Variants in RGS14 observed in about 807,000 individuals in gnomAD.
RGS14 encodes the protein regulator of G-protein signaling 14.
RGS14 carries 33 observed loss-of-function variants against 63.8 expected under a neutral mutation model. The observed-to-expected ratio is 0.52, with a 90% CI of 0.39 to 0.69. The LOEUF (loss-of-function observed/expected upper bound fraction) is 0.69. RGS14 is among the 30% of genes least tolerant of loss of function. RGS14 has a pLI of 0.00. For missense variants in RGS14, 739 were observed against 742.9 expected, an observed-to-expected ratio of 0.99 and a Z score of 0.06; for synonymous variants, 296 against 320.9, an observed-to-expected ratio of 0.92 and a Z score of 0.83.
chr5:177,367,482 G>C lies in RGS14; in HGVS notation c.552G>C (p.Leu184=). 6.2e-7 allele frequency: 1 copy of C among 1,612,792 alleles called. No homozygotes were observed. The highest frequency in any genetic ancestry group is 8.5e-7 in the Non-Finnish European group (1 of 1,179,482). Residue 184 remains leucine (L), a synonymous_variant, in exon 6 of 15, where the codon CTG becomes CTC. Coordinates refer to ENST00000408923, the MANE Select transcript of RGS14 (RefSeq NM_006480.5). Reference sequence around the variant, plus strand: ...AGTCCCCGCTGTACCGCGAGTGCCTGCTAGCCGAAGCCGAGGGACGCCCTC... The same window carrying C: ...AGTCCCCGCTGTACCGCGAGTGCCTCCTAGCCGAAGCCGAGGGACGCCCTC... ...FVKSPLYREC[L]LAEAEGRPLR...
rs1395992723 is a variant in RGS14 at position 177,370,603 on chromosome 5, G to C, written c.1066G>C (p.Asp356His). ...LVGNEQALVLDQDCTVLADQE... is the reference protein window; with the variant it reads ...LVGNEQALVLHQDCTVLADQE... ...GCATCCACAGAAGGCCCTGGTCCTG[G>C]ATCAGGACTGCACCGTGCTGGCGGA... The change falls in exon 10 of 15, where the codon GAT (aspartate) becomes CAT (histidine). Residue 356 changes from aspartate to histidine, a missense_variant. Asp to His is a moderately conservative substitution (Grantham distance 81). Coordinates refer to ENST00000408923, the MANE Select transcript of RGS14 (RefSeq NM_006480.5). The C allele has an allele frequency of 1.9e-6, 3 of 1,614,064 alleles. No individual in the cohort carries two copies. The South Asian group carries it at 3.3e-5, about 18-fold the overall frequency.
At chr5:177,366,534 C>G in intron 3 of RGS14, 174 bp from the exon 4 acceptor site, 1 of 779,406 alleles carries the variant, frequency 1.3e-6, no homozygotes, top group East Asian at 2.7e-5. Flanking sequence ...TTGTCTCTGC[C>G]TCTCATTTTC....
chr5:177,371,069 CGGG>C lies in RGS14; in HGVS notation c.1254+39_1254+41del. On this transcript the variant is annotated intron_variant, in intron 11 of 14. Transcript: ENST00000408923. The surrounding 1 kb of genome is among the most constrained non-coding windows in gnomAD (Gnocchi z 6.1). ...GCCGCGGGGCGGGGCGGGGCGGGGC[CGGG>C]CCGGGGCCGGGGCCGGGGCCGGGGC... The C allele has an allele frequency of 1.7e-6, 1 of 591,018 alleles. No homozygotes were observed. Among genetic ancestry groups the C allele is most frequent in the Non-Finnish European group, 2.1e-6 (1 of 487,114 alleles). 36.6% of individuals were successfully genotyped at this position (591,018 alleles called of 1,614,324 possible).
At chr5:177,369,129 T>C in intron 9 of RGS14, 1 of 600,426 alleles carries the variant, frequency 1.7e-6, no homozygotes, top group Non-Finnish European at 3.0e-6. Flanking sequence ...CATCATCCTA[T>C]TGTGGTGACC....
intron 1 of RGS14, 58 bp from the exon 2 acceptor site, chr5:177,365,905 C>T: frequency 6.3e-7 from 1 of 1,577,934 alleles, no homozygotes; most frequent in African/African-American, 1.3e-5. Context: ...GGGCCCAGAA[C>T]TGTCCCCTGG....
rs999798380 is a variant in RGS14 at position 177,365,846 on chromosome 5, G to T, written c.46-117G>T. 2.9e-6 allele frequency: 3 copies of T among 1,026,904 alleles called. No individual in the cohort carries two copies. In the Admixed American group the frequency reaches 5.1e-5, roughly 17 times the overall value. 63.6% of individuals were successfully genotyped at this position (1,026,904 alleles called of 1,614,324 possible). On this transcript the variant is annotated intron_variant, in intron 1 of 14. Coordinates refer to ENST00000408923, the MANE Select transcript of RGS14 (RefSeq NM_006480.5). ...GAAAACCCTGACCAAGTAGAACCTG[G>T]CCGGGGATGCCCAGGTGGAGGAGAA...
In RGS14 at chr5:177,371,714, G is replaced by A; in HGVS notation, c.1498+125G>A. On this transcript the variant is annotated intron_variant, in intron 14 of 14. Coordinates refer to ENST00000408923, the MANE Select transcript of RGS14 (RefSeq NM_006480.5). This position sits in a 1 kb window ranked among gnomAD's most constrained non-coding sequence, Gnocchi z 6.1. The stretch of plus-strand genomic sequence containing the variant: ...GGTGCCACTGGGCGTGGAACAGGAA[G>A]GATGGGGGTTGGGGGGTCAAAGGGG... 1 of 1,209,874 alleles carries A rather than the reference G, an allele frequency of 8.3e-7. No individual in the cohort carries two copies. Among genetic ancestry groups the A allele is most frequent in the South Asian group, 1.4e-5 (1 of 72,358 alleles). 74.9% of individuals were successfully genotyped at this position (1,209,874 alleles called of 1,614,324 possible). A position where few individuals can be genotyped will look rare whatever the true frequency, so the allele number is the denominator to read the frequency against.
At chr5:177,370,438 C>T (rs957355065) in intron 9 of RGS14, 153 bp from the exon 10 acceptor site, 10 of 661,254 alleles carry the variant, frequency 1.5e-5, no homozygotes, top group Admixed American at 1.4e-4. Flanking sequence ...GGTACCTTAA[C>T]CCATTTGCTC....
In RGS14 at chr5:177,366,276, C is replaced by A; in HGVS notation, c.167C>A (p.Thr56Asn). ...AGTGGTCCCAGCAGCCCCTTCCCAA[C>A]CGAGGAGCAGCCTGTGGCCAGCTGG... ...LPSGPSSPFP[T>N]EEQPVASWAL... Residue 56 changes from threonine (T) to asparagine (N), a missense_variant, in exon 3 of 15, where the codon ACC becomes AAC. By Grantham distance (65) the Thr-to-Asn change is moderately conservative. Coordinates refer to ENST00000408923, the MANE Select transcript of RGS14 (RefSeq NM_006480.5). 1 of 1,570,142 alleles carries A rather than the reference C, an allele frequency of 6.4e-7. No homozygotes were observed. Among genetic ancestry groups the A allele is most frequent in the East Asian group, 2.4e-5 (1 of 42,348 alleles).
In RGS14 at chr5:177,372,219, T is replaced by A; in HGVS notation, c.*144T>A. On this transcript the variant is annotated 3_prime_UTR_variant, in exon 15 of 15. Transcript: ENST00000408923. ...GGCCCGCAGGAAGAGCCGGTAGGGG[T>A]GGAAAGGGGACTCAGATGAGACACA... 1 of 782,144 alleles carries A rather than the reference T, an allele frequency of 1.3e-6. No individual in the cohort carries two copies. The highest frequency in any genetic ancestry group is 2.1e-6 in the Non-Finnish European group (1 of 487,008). 48.5% of individuals were successfully genotyped at this position (782,144 alleles called of 1,614,324 possible).
chr5:177,365,042 G>T (rs368184864), intron 1 of RGS14, among the ~76,000 whole-genome samples: 1 of 152,260 alleles, frequency 6.6e-6, no homozygotes, highest in African/African-American at 2.4e-5. Flanking sequence ...CCCTCCCACG[G>T]TGGTAATGGG....
rs1246241138 is a variant in RGS14, at chr5:177,371,014, G to A, written c.1237G>A (p.Glu413Lys). ...ILEKHGLSPL[E>K]VVLHRPGEKQ... ...GGAGAAGCACGGCTTGAGCCCGCTA[G>A]AGGTGGTGCTGCACCGGGTGAGCTT... Residue 413 changes from glutamate (E) to lysine (K), a missense_variant, in exon 11 of 15, where the codon GAG becomes AAG. Transcript: ENST00000408923. This position sits in a 1 kb window ranked among gnomAD's most constrained non-coding sequence, Gnocchi z 6.1. 1 of 1,593,448 alleles carries A rather than the reference G, an allele frequency of 6.3e-7. No individual in the cohort carries two copies. Among genetic ancestry groups the A allele is most frequent in the East Asian group, 2.3e-5 (1 of 44,434 alleles).
chr5:177,363,827 C>A (rs1762030341), intron 1 of RGS14, among the ~76,000 whole-genome samples: 1 of 152,072 alleles, frequency 6.6e-6, no homozygotes. Flanking sequence ...CCACTGCCTC[C>A]ACAAGTAACA....
chr5:177,372,048 G>C lies in RGS14; in HGVS notation c.1674G>C (p.Leu558Phe), dbSNP rs752794573. 6.2e-7 allele frequency: 1 copy of C among 1,614,046 alleles called. No homozygotes were observed. Among genetic ancestry groups the C allele is most frequent in the South Asian group, 1.1e-5 (1 of 91,078 alleles). Residue 558 changes from leucine (L) to phenylalanine (F), a missense_variant, in exon 15 of 15, where the codon TTG becomes TTC. Transcript: ENST00000408923. Reference sequence around the variant, plus strand: ...CAGCCCAGCCCATCGGGGGATCCTTGAACTCCACCACCGACTCAGCCCTCT... The same window carrying C: ...CAGCCCAGCCCATCGGGGGATCCTTCAACTCCACCACCGACTCAGCCCTCT... ...KSAAQPIGGSLNSTTDSAL is the reference protein window; with the variant it reads ...KSAAQPIGGSFNSTTDSAL
At chr5:177,368,636 C>A (rs1399896932) in intron 8 of RGS14, 81 bp from the exon 9 acceptor site, 13 of 1,438,324 alleles carry the variant, frequency 9.0e-6, no homozygotes, top group Non-Finnish European at 1.2e-5. Context: ...TGAGCCCCAG[C>A]AAGCTTACCT....
At chr5:177,363,809 CCTGCCTCCCA>C (rs1019269310) in intron 1 of RGS14, among the ~76,000 whole-genome samples, 2 of 152,254 alleles carry the variant, frequency 1.3e-5, no homozygotes, top group East Asian at 1.9e-4. Context: ...CAAATTTGAG[CCTGCCTCCCA>C]CTGCCTCCAC....
intron 3 of RGS14, 67 bp downstream of exon 3, chr5:177,366,422 G>T: frequency 7.1e-7 from 1 of 1,400,392 alleles, no homozygotes; most frequent in Admixed American, 2.5e-5. Context: ...GGAGCTTCAG[G>T]CTGGCCAGAG....
chr5:177,364,517 C>T lies in RGS14; in HGVS notation c.46-1446C>T, dbSNP rs1273937750. Among the ~76,000 whole-genome samples, 1 of 152,172 alleles carries T rather than the reference C, an allele frequency of 6.6e-6. No individual in the cohort carries two copies. The highest frequency in any genetic ancestry group is 1.5e-5 in the Non-Finnish European group (1 of 68,026). On this transcript the variant is annotated intron_variant, in intron 1 of 14. Transcript: ENST00000408923. This position sits in a 1 kb window ranked among gnomAD's most constrained non-coding sequence, Gnocchi z 4.6. ...TGCCTGGCCCTGCCCTCCTCGCGCA[C>T]ACCCTGAGCCTCTGTCCTGCCCTCT...
At position 177,358,228 on chromosome 5, in the gene RGS14, C is replaced by G. The variant is rs1167470953; in HGVS notation, c.45+159C>G. 1.3e-5 allele frequency among the ~76,000 whole-genome samples: 2 copies of G among 152,212 alleles called. No homozygotes were observed. Among genetic ancestry groups the G allele is most frequent in the Admixed American group, 6.5e-5 (1 of 15,288 alleles). On this transcript the variant is annotated intron_variant, in intron 1 of 14. Coordinates refer to ENST00000408923, the MANE Select transcript of RGS14 (RefSeq NM_006480.5). The surrounding 1 kb of genome is among the most constrained non-coding windows in gnomAD (Gnocchi z 4.8). ...GCAGCAGGTGGTAGGACCTGGTGCT[C>G]TCACCCCTAGACCCTTCCAGATGGC...
Sources: gnomAD v4.1 joint callset for allele counts (sites outside exome capture counted in the v4.1 genomes callset) on GRCh38, gnomAD v4.1.1 for gene constraint, Gnocchi (gnomAD v3.1) non-coding constraint, MANE v1.5 for transcripts, NCBI Gene and HGNC (gene_info 2026-07-23, HGNC 2026-07-21) for gene names.